GALNT13: variants seen among roughly 807,000 people sequenced by gnomAD.
GALNT13 encodes polypeptide N-acetylgalactosaminyltransferase 13.
Under a neutral mutation model 64.2 loss-of-function variants are expected in GALNT13, and 28 were observed. That is an observed-to-expected ratio of 0.44 (90% CI 0.32 to 0.60). The LOEUF is 0.60. Ranked by LOEUF, GALNT13 falls within the 20% of genes least tolerant of loss-of-function variation. The probability of loss-of-function intolerance (pLI) is 0.05; values close to 1 mark genes in which losing one functional copy is unlikely to be tolerated. For missense variants in GALNT13, 577 were observed against 669.8 expected, an observed-to-expected ratio of 0.86 and a Z score of 1.53; for synonymous variants, 214 against 224.6, an observed-to-expected ratio of 0.95 and a Z score of 0.42.
the GALNT13 span, among the ~76,000 whole-genome samples, chr2:153,850,074 G>C: frequency 6.6e-6 from 1 of 151,002 alleles, no homozygotes; most frequent in Non-Finnish European, 1.5e-5. Context: ...AGCTACTCCG[G>C]AGGCTGAGGC....
chr2:153,206,124 G>A, the GALNT13 span, among the ~76,000 whole-genome samples: 39 of 151,976 alleles, frequency 2.6e-4, no homozygotes, highest in Admixed American at 3.3e-4. Flanking sequence ...AGTCAATAGA[G>A]CCAAAAGTAC....
the GALNT13 span, among the ~76,000 whole-genome samples, chr2:153,157,741 A>G: frequency 6.6e-6 from 1 of 152,198 alleles, no homozygotes; most frequent in Non-Finnish European, 1.5e-5. Flanking sequence ...CTATAGTACC[A>G]AAACTTTAAA....
At chr2:154,414,977 C>T (rs1185165304) in intron 11 of GALNT13, among the ~76,000 whole-genome samples, 1 of 151,636 alleles carries the variant, frequency 6.6e-6, no homozygotes, top group South Asian at 2.1e-4. Context: ...GTTATATCTA[C>T]TCAAACTGAT....
chr2:154,127,309 A>G (rs182372319), intron 3 of GALNT13, among the ~76,000 whole-genome samples: 1 of 152,248 alleles, frequency 6.6e-6, no homozygotes, highest in East Asian at 1.9e-4. Context: ...TAGAGATCTT[A>G]ACTGATTTCT....
intron 9 of GALNT13, among the ~76,000 whole-genome samples, chr2:154,316,995 T>C (rs1191221965): frequency 6.6e-6 from 1 of 152,016 alleles, no homozygotes; most frequent in African/African-American, 2.4e-5. Flanking sequence ...GGCAGATCAC[T>C]TGAGGTCAGG....
At chr2:154,161,876 G>C (rs959304772) in intron 4 of GALNT13, among the ~76,000 whole-genome samples, 5 of 152,020 alleles carry the variant, frequency 3.3e-5, no homozygotes, top group African/African-American at 1.2e-4. Flanking sequence ...CACCTCCCGG[G>C]TTCACACCAT....
the GALNT13 span, among the ~76,000 whole-genome samples, chr2:153,281,263 TA>T: frequency 6.6e-6 from 1 of 152,174 alleles, no homozygotes; most frequent in African/African-American, 2.4e-5. Context: ...TTTGTTCCTG[TA>T]AGTGTTGTTA....
chr2:153,729,485 A>T, the GALNT13 span, among the ~76,000 whole-genome samples: 1 of 152,040 alleles, frequency 6.6e-6, no homozygotes, highest in Non-Finnish European at 1.5e-5. Context: ...TCACAAAGTT[A>T]CTGTGCTGTG....
chr2:154,128,387 A>C (rs544963439), intron 3 of GALNT13, among the ~76,000 whole-genome samples: 1 of 152,218 alleles, frequency 6.6e-6, no homozygotes, highest in East Asian at 1.9e-4. Flanking sequence ...TAGTTAGCAC[A>C]TTCAATTTAA....
chr2:154,145,868 A>G (rs933635872), intron 4 of GALNT13, among the ~76,000 whole-genome samples: 2 of 152,028 alleles, frequency 1.3e-5, no homozygotes, highest in Non-Finnish European at 2.9e-5. Flanking sequence ...AATATGATAA[A>G]TGTAGCATTG....
chr2:153,339,055 G>A, the GALNT13 span, among the ~76,000 whole-genome samples: 1 of 152,090 alleles, frequency 6.6e-6, no homozygotes, highest in Non-Finnish European at 1.5e-5. Flanking sequence ...CCGTATCTTG[G>A]CTGTGTTGAA....
At chr2:154,262,604 CATTA>C (rs1450381525) in intron 8 of GALNT13, among the ~76,000 whole-genome samples, 1 of 152,084 alleles carries the variant, frequency 6.6e-6, no homozygotes, top group East Asian at 1.9e-4. Context: ...TAAACATAAG[CATTA>C]ATTAATTATG....
chr2:154,270,986 A>G (rs529852112), intron 8 of GALNT13, among the ~76,000 whole-genome samples: 2 of 152,076 alleles, frequency 1.3e-5, no homozygotes, highest in African/African-American at 4.8e-5. Context: ...GTCAATTCAC[A>G]TTTGAATTAT....
chr2:153,671,260 G>A, the GALNT13 span, among the ~76,000 whole-genome samples: 119 of 152,168 alleles, frequency 7.8e-4, no homozygotes, highest in East Asian at 2.9e-3. Context: ...TAGCTTCACC[G>A]AGGTTGAAAT....
the GALNT13 span, chr2:153,478,153 C>T: frequency 8.9e-7 from 1 of 1,122,254 alleles, no homozygotes; most frequent in Non-Finnish European, 1.3e-6. Context: ...GTTTGCTTCG[C>T]CCAGTCTCTG....
At chr2:154,108,078 T>C (rs1462481956) in intron 3 of GALNT13, among the ~76,000 whole-genome samples, 1 of 152,140 alleles carries the variant, frequency 6.6e-6, no homozygotes, top group Non-Finnish European at 1.5e-5. Context: ...GTGCCGACAT[T>C]CCTTTGACAA....
chr2:154,229,364 T>C (rs1159441081), intron 4 of GALNT13, among the ~76,000 whole-genome samples: 1 of 151,594 alleles, frequency 6.6e-6, no homozygotes, highest in Non-Finnish European at 1.5e-5. Context: ...TTTATATATA[T>C]ATATAATTTT....
chr2:153,435,149 G>A, the GALNT13 span, among the ~76,000 whole-genome samples: 3 of 152,110 alleles, frequency 2.0e-5, no homozygotes, highest in Admixed American at 6.5e-5. Flanking sequence ...TAGATATGCG[G>A]CATTATTTCT....
the GALNT13 span, among the ~76,000 whole-genome samples, chr2:153,106,362 T>G: frequency 6.6e-6 from 1 of 152,096 alleles, no homozygotes; most frequent in Non-Finnish European, 1.5e-5. Context: ...CCGTCTGAAC[T>G]CCTCCTTGAA....
Sources: allele counts gnomAD v4.1 joint callset (sites outside exome capture counted in the v4.1 genomes callset), GRCh38; gene constraint gnomAD v4.1.1; transcripts MANE v1.5; gene names NCBI Gene and HGNC (gene_info 2026-07-23, HGNC 2026-07-21).